MAML3: variants seen among roughly 807,000 people sequenced by gnomAD.
The protein encoded by MAML3 is mastermind-like protein 3.
MAML3 carries 27 observed loss-of-function variants against 101.9 expected under a neutral mutation model. The observed-to-expected ratio is 0.27, with a 90% CI of 0.20 to 0.37. The LOEUF (loss-of-function observed/expected upper bound fraction) is 0.37. Among genes scored for constraint, MAML3 ranks in the 10% least tolerant of loss-of-function variants. MAML3 has a pLI of 1.00. For synonymous variants in MAML3, 501 were observed against 555.9 expected, an observed-to-expected ratio of 0.90 and a Z score of 1.39; for missense variants, 1,316 against 1,444.9, an observed-to-expected ratio of 0.91 and a Z score of 1.45.
intron 2 of MAML3, among the ~76,000 whole-genome samples, chr4:139,755,852 TA>T (rs1373383456): frequency 2.0e-5 from 3 of 152,056 alleles, no homozygotes; most frequent in Non-Finnish European, 2.9e-5. Flanking sequence ...TAAAATAAAA[TA>T]AAAAAACCCC....
chr4:139,870,782 C>A (rs1023006877), intron 2 of MAML3, among the ~76,000 whole-genome samples: 58 of 152,322 alleles, frequency 3.8e-4, no homozygotes, highest in Non-Finnish European at 6.8e-4. Flanking sequence ...GCTGGGACCA[C>A]ACTTGACTAA....
At chr4:139,827,585 A>T (rs1365192840) in intron 2 of MAML3, among the ~76,000 whole-genome samples, 1 of 152,166 alleles carries the variant, frequency 6.6e-6, no homozygotes, top group Non-Finnish European at 1.5e-5. Flanking sequence ...CCCAGAGTCA[A>T]TTTTTTTCCA....
rs181240127 is a variant in MAML3 at position 139,735,254 on chromosome 4, G to A, written c.2080-4587C>T. On this transcript the variant is annotated intron_variant, in intron 2 of 4. Transcript: ENST00000509479. The surrounding 1 kb of genome is among the most constrained non-coding windows in gnomAD (Gnocchi z 5.8). The stretch of plus-strand genomic sequence containing the variant: ...CAATCCAGGAATTCCCTGGTGACTC[G>A]AGGCCCTCTTTGCACAAAATGAGTT... 6.6e-6 allele frequency among the ~76,000 whole-genome samples: 1 copy of A among 152,334 alleles called. No homozygotes were observed. The highest frequency in any genetic ancestry group is 1.5e-5 in the Non-Finnish European group (1 of 68,042).
intron 1 of MAML3, among the ~76,000 whole-genome samples, chr4:140,151,792 C>T (rs1729175987): frequency 6.6e-6 from 1 of 152,122 alleles, no homozygotes; most frequent in African/African-American, 2.4e-5. Context: ...GGATTCTAGC[C>T]TCCGGCTTGG....
chr4:139,747,084 G>A (rs1362247279), intron 2 of MAML3, among the ~76,000 whole-genome samples: 1 of 152,182 alleles, frequency 6.6e-6, no homozygotes, highest in Non-Finnish European at 1.5e-5. Flanking sequence ...TTGTGCTCTG[G>A]GAAAAGCAAA....
intron 1 of MAML3, among the ~76,000 whole-genome samples, chr4:140,143,106 T>C (rs777059309): frequency 3.1e-4 from 47 of 152,208 alleles, no homozygotes; most frequent in Non-Finnish European, 6.5e-4. Context: ...TTTTAAAGTG[T>C]TTCCATTTAC....
intron 1 of MAML3, among the ~76,000 whole-genome samples, chr4:140,007,663 T>TA (rs1414597030): frequency 8.5e-5 from 13 of 152,310 alleles, no homozygotes; most frequent in African/African-American, 2.9e-4. Context: ...CACCAGCCAT[T>TA]GGATGGCCTG....
intron 1 of MAML3, among the ~76,000 whole-genome samples, chr4:139,974,105 GTTTTTTT>G (rs34721976): frequency 8.0e-6 from 1 of 125,202 alleles, no homozygotes; most frequent in Admixed American, 7.8e-5. Flanking sequence ...ACATTTAATA[GTTTTTTT>G]TTTTTTTTTT....
intron 2 of MAML3, among the ~76,000 whole-genome samples, chr4:139,884,682 T>C (rs1674682547): frequency 2.0e-5 from 3 of 152,230 alleles, no homozygotes; most frequent in Admixed American, 2.0e-4. Flanking sequence ...TTCCGCTGGT[T>C]CAAGATAATC....
At chr4:140,151,836 T>G (rs970039198) in intron 1 of MAML3, among the ~76,000 whole-genome samples, 1 of 152,058 alleles carries the variant, frequency 6.6e-6, no homozygotes, top group Non-Finnish European at 1.5e-5. Flanking sequence ...CTGGAGAAGT[T>G]AAGCCATTGG....
chr4:139,874,477 C>T (rs6827788), intron 2 of MAML3, among the ~76,000 whole-genome samples: 7,356 of 152,072 alleles, frequency 0.048, 596 homozygotes, highest in African/African-American at 0.17. Context: ...ATTTTGTTTA[C>T]AGTCCCTGTC....
chr4:140,151,109 C>A (rs1390557777), intron 1 of MAML3, among the ~76,000 whole-genome samples: 1 of 152,030 alleles, frequency 6.6e-6, no homozygotes, highest in Non-Finnish European at 1.5e-5. Flanking sequence ...TGAGCTGGGC[C>A]GCGAGGCGGA....
chr4:140,053,910 C>T (rs1407592776), intron 1 of MAML3, among the ~76,000 whole-genome samples: 1 of 152,152 alleles, frequency 6.6e-6, no homozygotes, highest in Non-Finnish European at 1.5e-5. Context: ...AAACATCAGG[C>T]AGGCTAGGGT....
At chr4:140,002,447 A>T (rs1392063554) in intron 1 of MAML3, among the ~76,000 whole-genome samples, 1 of 152,252 alleles carries the variant, frequency 6.6e-6, no homozygotes, top group East Asian at 1.9e-4. Context: ...CAAAAGCAGA[A>T]AACACAAATA....
intron 1 of MAML3, among the ~76,000 whole-genome samples, chr4:140,067,277 A>G (rs944967982): frequency 6.6e-6 from 1 of 152,126 alleles, no homozygotes; most frequent in Non-Finnish European, 1.5e-5. Context: ...ATAGAAAAAC[A>G]TCTAAGACTC....
intron 2 of MAML3, among the ~76,000 whole-genome samples, chr4:139,752,221 A>G (rs887484489): frequency 1.3e-5 from 2 of 152,252 alleles, no homozygotes; most frequent in Admixed American, 6.5e-5. Flanking sequence ...TACTAGAAAG[A>G]AAGAAAAAAG....
intron 2 of MAML3, among the ~76,000 whole-genome samples, chr4:139,828,365 T>C (rs765551334): frequency 3.3e-5 from 5 of 152,242 alleles, no homozygotes; most frequent in Non-Finnish European, 7.3e-5. Context: ...TTTTTAATGG[T>C]ATTACTACAC....
chr4:140,152,994 T>C lies in MAML3; in HGVS notation c.334A>G (p.Ser112Gly). ...QLELERRDTV[S>G]LYQRTLEQRA... ...TGCTCCAGGGTCCGCTGGTAGAGGCTCACGGTGTCCCGGCGCTCCAGCTCC... is the reference window on the plus strand; with the variant it reads ...TGCTCCAGGGTCCGCTGGTAGAGGCCCACGGTGTCCCGGCGCTCCAGCTCC... The change falls in exon 1 of 5, where the codon AGC becomes GGC. Residue 112 changes from serine to glycine, a missense_variant. By Grantham distance (56) the Ser-to-Gly change is moderately conservative. Transcript: ENST00000509479. 6.2e-7 allele frequency: 1 copy of C among 1,609,028 alleles called. No homozygotes were observed. The highest frequency in any genetic ancestry group is 8.5e-7 in the Non-Finnish European group (1 of 1,177,938).
At chr4:140,105,357 G>A (rs772645269) in intron 1 of MAML3, among the ~76,000 whole-genome samples, 8 of 152,088 alleles carry the variant, frequency 5.3e-5, no homozygotes, top group South Asian at 2.1e-4. Context: ...TGAGCAACTC[G>A]ACTATCCTGG....
Sources: gnomAD v4.1 joint callset for allele counts (sites outside exome capture counted in the v4.1 genomes callset) on GRCh38, gnomAD v4.1.1 for gene constraint, Gnocchi (gnomAD v3.1) non-coding constraint, MANE v1.5 for transcripts, NCBI Gene and HGNC (gene_info 2026-07-23, HGNC 2026-07-21) for gene names.